The following SCFD1 variants were observed in gnomAD, a reference collection of about 807,000 sequenced individuals.
SCFD1 encodes the protein sec1 family domain-containing protein 1.
SCFD1 carries 37 observed loss-of-function variants against 103.2 expected under a neutral mutation model. The ratio of observed to expected loss-of-function variants is 0.36; its 90% CI spans 0.28 to 0.47. The LOEUF (loss-of-function observed/expected upper bound fraction) is 0.47. SCFD1 is among the 20% of genes least tolerant of loss of function. SCFD1 has a pLI of 1.00. For synonymous variants in SCFD1, 264 were observed against 245.0 expected, an observed-to-expected ratio of 1.08 and a Z score of -0.73; for missense variants, 639 against 761.2, an observed-to-expected ratio of 0.84 and a Z score of 1.89.
intron 14 of SCFD1, among the ~76,000 whole-genome samples, chr14:30,684,832 T>G (rs1889838523): frequency 8.6e-6 from 1 of 116,044 alleles, no homozygotes; most frequent in Non-Finnish European, 1.7e-5. Flanking sequence ...TATTATACTC[T>G]AAGTTTTAGG....
chr14:30,623,451 A>C (rs780784256), intron 1 of SCFD1, among the ~76,000 whole-genome samples: 1 of 152,232 alleles, frequency 6.6e-6, no homozygotes, highest in African/African-American at 2.4e-5. Context: ...TTTCCCAGTA[A>C]ATAATTTAGT....
At chr14:30,724,545 A>C (rs764409417) in intron 23 of SCFD1, among the ~76,000 whole-genome samples, 4 of 151,972 alleles carry the variant, frequency 2.6e-5, no homozygotes, top group Non-Finnish European at 5.9e-5. Context: ...GAGCCACCGT[A>C]TCTGGGCTGG....
intron 10 of SCFD1, among the ~76,000 whole-genome samples, chr14:30,668,353 A>G: frequency 6.6e-6 from 1 of 152,242 alleles, no homozygotes. Flanking sequence ...CATATGTAGA[A>G]AGCTGAAACT....
At chr14:30,676,001 CAG>C (rs1458556925) in intron 14 of SCFD1, 2 of 152,236 alleles carry the variant, frequency 1.3e-5, no homozygotes, top group African/African-American at 2.4e-5. Context: ...GGAATAGAAA[CAG>C]AACTGCAGTC....
At chr14:30,694,624 C>T (rs1890563964) in intron 14 of SCFD1, 149 bp from the exon 15 acceptor site, 1 of 1,213,976 alleles carries the variant, frequency 8.2e-7, no homozygotes, top group African/African-American at 1.6e-5. Flanking sequence ...CACTGTACTT[C>T]AGCCTGGTAC....
intron 16 of SCFD1, 89 bp downstream of exon 16, chr14:30,700,347 C>A: frequency 2.2e-6 from 2 of 896,792 alleles, no homozygotes; most frequent in Non-Finnish European, 1.8e-6. Context: ...GTAAAAATCA[C>A]TGTGGCTAAA....
At chr14:30,674,739 A>G (rs1462201514) in intron 13 of SCFD1, among the ~76,000 whole-genome samples, 3 of 152,244 alleles carry the variant, frequency 2.0e-5, no homozygotes, top group African/African-American at 7.2e-5. Context: ...ATTTGGAATC[A>G]GAAAGTAAAG....
chr14:30,734,790 G>T lies in SCFD1; in HGVS notation c.1837G>T (p.Gly613Trp). Residue 613 changes from glycine (G) to tryptophan (W), a missense_variant and splice_region_variant, in exon 24 of 25, where the codon GGG (glycine) becomes TGG (tryptophan). Coordinates refer to ENST00000458591, the MANE Select transcript of SCFD1 (RefSeq NM_016106.4). ...TAAGTTCTGACTCTGATTTTTACAG[G>T]GGAAACAAGGCAAACACATTTTATA... Reference protein sequence around the residue: ...EYQNLVDYIKGKQGKHILYGC... With the variant: ...EYQNLVDYIKWKQGKHILYGC... 1 of 1,611,448 alleles carries T rather than the reference G, an allele frequency of 6.2e-7. No homozygotes were observed.
At chr14:30,667,015 A>G (rs1888039232) in intron 10 of SCFD1, among the ~76,000 whole-genome samples, 1 of 152,214 alleles carries the variant, frequency 6.6e-6, no homozygotes, top group African/African-American at 2.4e-5. Flanking sequence ...AAACTATTCC[A>G]GTCAATAGAA....
At chr14:30,706,416 T>C (rs545052186) in intron 18 of SCFD1, among the ~76,000 whole-genome samples, 90 of 152,318 alleles carry the variant, frequency 5.9e-4, no homozygotes, top group Non-Finnish European at 1.1e-3. Flanking sequence ...TTGGGGTACT[T>C]TTCTTTATTT....
At chr14:30,729,761 T>G (rs533564867) in intron 23 of SCFD1, among the ~76,000 whole-genome samples, 1 of 152,380 alleles carries the variant, frequency 6.6e-6, no homozygotes, top group South Asian at 2.1e-4. Context: ...TTAATGTTAA[T>G]TAAGGCTTCT....
At chr14:30,653,154 C>A (rs922667728) in intron 9 of SCFD1, among the ~76,000 whole-genome samples, 1 of 151,982 alleles carries the variant, frequency 6.6e-6, no homozygotes, top group African/African-American at 2.4e-5. Context: ...TAAAAATTAG[C>A]CAGGTGTGTG....
upstream of SCFD1, chr14:30,622,297 C>G (rs767056015): frequency 6.9e-6 from 11 of 1,592,834 alleles, no homozygotes; most frequent in African/African-American, 1.3e-5. Flanking sequence ...CGTCATCCCC[C>G]CGCTCCGCTC....
intron 19 of SCFD1, among the ~76,000 whole-genome samples, chr14:30,710,285 AC>A (rs1468163351): frequency 2.8e-5 from 4 of 144,318 alleles, no homozygotes; most frequent in African/African-American, 1.1e-4. Context: ...ATCAGTGGTC[AC>A]CCCATCTGTA....
intron 10 of SCFD1, among the ~76,000 whole-genome samples, chr14:30,655,261 G>A (rs1886790757): frequency 6.6e-6 from 1 of 152,200 alleles, no homozygotes; most frequent in Non-Finnish European, 1.5e-5. Context: ...ATATAGCTAT[G>A]TGGGAAAAGA....
intron 3 of SCFD1, among the ~76,000 whole-genome samples, chr14:30,632,675 CT>C (rs1203017193): frequency 6.6e-6 from 1 of 152,070 alleles, no homozygotes; most frequent in Non-Finnish European, 1.5e-5. Context: ...TGTTTAACTC[CT>C]TTATTTACTA....
chr14:30,622,625 G>C (rs8014497), intron 1 of SCFD1, among the ~76,000 whole-genome samples: 7,534 of 152,114 alleles, frequency 0.05, 615 homozygotes, highest in African/African-American at 0.17. Context: ...GGATTGCTAC[G>C]GCCCTGCTCT....
chr14:30,693,359 G>A (rs149249165), intron 14 of SCFD1, among the ~76,000 whole-genome samples: 1,884 of 152,252 alleles, frequency 0.012, 15 homozygotes, highest in Non-Finnish European at 0.02. Context: ...GGAAGAGGAC[G>A]GGGTGAAAAA....
intron 6 of SCFD1, among the ~76,000 whole-genome samples, chr14:30,642,136 G>A (rs549959644): frequency 1.2e-4 from 19 of 152,120 alleles, no homozygotes; most frequent in African/African-American, 4.3e-4. Context: ...CGCCCAGGCT[G>A]GAGTGCAGTG....
Sources: allele counts gnomAD v4.1 joint callset (sites outside exome capture counted in the v4.1 genomes callset), GRCh38; gene constraint gnomAD v4.1.1; transcripts MANE v1.5; gene names NCBI Gene and HGNC (gene_info 2026-07-23, HGNC 2026-07-21).